The following PRKRIP1 variants were observed in gnomAD, a reference collection of about 807,000 sequenced individuals.
PRKRIP1 encodes the protein PRKR-interacting protein 1.
PRKRIP1 carries 29 observed loss-of-function variants against 29.3 expected under a neutral mutation model. The ratio of observed to expected loss-of-function variants is 0.99; its 90% confidence interval spans 0.74 to 1.35. The LOEUF (loss-of-function observed/expected upper bound fraction) is 1.35, where lower values mean the gene tolerates loss of function less well. Among genes scored for constraint, PRKRIP1 ranks in the 40% most tolerant of loss-of-function variants. The pLI, the probability that PRKRIP1 is intolerant of heterozygous loss-of-function variation, is 0.00. For missense variants in PRKRIP1, 247 were observed against 236.8 expected, an observed-to-expected ratio of 1.04 and a Z score of -0.28; for synonymous variants, 90 against 85.1, an observed-to-expected ratio of 1.06 and a Z score of -0.32.
chr7:102,404,682 C>T lies in PRKRIP1; in HGVS notation c.391C>T (p.Arg131Cys), dbSNP rs782326401. Residue 131 changes from arginine (R) to cysteine (C), a missense_variant and splice_region_variant, in exon 4 of 6, where the codon CGC becomes TGC. Coordinates refer to ENST00000397912, the MANE Select transcript of PRKRIP1 (RefSeq NM_024653.4). ...GCAGACCGCAAAGCGCCGGAAGAAG[C>T]GGTAAGCGGCATGGCCTAACTGTGA... Reference protein sequence around the residue: ...EEQTAKRRKKRQKLKEKKLLA... With the variant: ...EEQTAKRRKKCQKLKEKKLLA... 8.1e-6 allele frequency: 13 copies of T among 1,612,454 alleles called. No homozygotes were observed. Among genetic ancestry groups the T allele is most frequent in the South Asian group, 5.5e-5 (5 of 90,970 alleles).
At chr7:102,423,703 T>TAA (rs879951532) in intron 5 of PRKRIP1, among the ~76,000 whole-genome samples, 1 of 146,088 alleles carries the variant, frequency 6.8e-6, no homozygotes, top group South Asian at 2.2e-4. Context: ...ATTTAAACTT[T>TAA]AAAAAAAAAA....
rs1251963655 is a variant in PRKRIP1, at chr7:102,425,937, GACTGGGTCA to G, written c.*828_*836del. 6.5e-6 allele frequency: 1 copy of G among 153,036 alleles called. No homozygotes were observed. Among genetic ancestry groups the G allele is most frequent in the Non-Finnish European group, 1.5e-5 (1 of 68,206 alleles). 9.5% of individuals were successfully genotyped at this position (153,036 alleles called of 1,614,324 possible). ...AAACAGAACAGGCTGAGAGAGGCGG[GACTGGGTCA>G]AGTGGGTGGAGCTCCTCCTTGCATG... On this transcript the variant is annotated 3_prime_UTR_variant, in exon 6 of 6. Transcript: ENST00000397912.
rs782209495 is a variant in PRKRIP1 at position 102,396,513 on chromosome 7, G to T, written c.102G>T (p.Lys34Asn). 2 of 1,609,640 alleles carry T rather than the reference G, an allele frequency of 1.2e-6. No individual in the cohort carries two copies. The highest frequency in any genetic ancestry group is 1.7e-6 in the Non-Finnish European group (2 of 1,178,804). ...PKNAAEEQKL[K>N]LERLMKNPDK... Reference sequence around the variant, plus strand: ...ATGCGGCGGAGGAGCAGAAGCTCAAGCTGGAGCGGCTCATGAAGAACCCGG... The same window carrying T: ...ATGCGGCGGAGGAGCAGAAGCTCAATCTGGAGCGGCTCATGAAGAACCCGG... Residue 34 changes from lysine (K) to asparagine (N), a missense_variant, in exon 1 of 6, where the codon AAG becomes AAT. Lys to Asn is a moderately conservative substitution (Grantham distance 94, BLOSUM62 0). Coordinates refer to ENST00000397912, the MANE Select transcript of PRKRIP1 (RefSeq NM_024653.4).
Position 102,426,459 on chromosome 7 carries a change from T to C in PRKRIP1, c.*1348T>C, listed in dbSNP as rs1350703947. 1 of 152,636 alleles carries C rather than the reference T, an allele frequency of 6.6e-6. No homozygotes were observed. The highest frequency in any genetic ancestry group is 1.5e-5 in the Non-Finnish European group (1 of 68,050). 9.5% of individuals were successfully genotyped at this position (152,636 alleles called of 1,614,324 possible). A position where few individuals can be genotyped will look rare whatever the true frequency, so the allele number is the denominator to read the frequency against. ...ACGTACTTTGATAGAACTAAGGAAA[T>C]AGTGGTTTTGAGTGAAGGGAAAGGA... On this transcript the variant is annotated 3_prime_UTR_variant, in exon 6 of 6. Transcript: ENST00000397912.
At position 102,406,887 on chromosome 7, in the gene PRKRIP1, C is replaced by T. The variant is rs73402382; in HGVS notation, c.393-547C>T. Among the ~76,000 whole-genome samples, 640 of 148,970 alleles carry T rather than the reference C, an allele frequency of 4.3e-3. 7 individuals are homozygous for T. Among genetic ancestry groups the T allele is most frequent in the African/African-American group, 0.014 (566 of 40,692 alleles). ...GTCATTAGCAAAAAAAAAAAAAAGC[C>T]GATTAAAATGATGTATAACATAATC... On this transcript the variant is annotated intron_variant, in intron 4 of 5. Transcript: ENST00000397912.
intron 3 of PRKRIP1, among the ~76,000 whole-genome samples, chr7:102,400,191 T>C (rs1360753243): frequency 1.3e-5 from 2 of 151,734 alleles, no homozygotes; most frequent in African/African-American, 2.4e-5. Flanking sequence ...GCAACTGTAG[T>C]CCCAGCTACT....
chr7:102,413,015 C>T (rs187070906), intron 5 of PRKRIP1, among the ~76,000 whole-genome samples: 3 of 152,286 alleles, frequency 2.0e-5, no homozygotes, highest in East Asian at 1.9e-4. Flanking sequence ...AAATCCAGGG[C>T]GCCCTTAGGG....
chr7:102,404,778 C>A, intron 4 of PRKRIP1, 95 bp downstream of exon 4: 1 of 855,588 alleles, frequency 1.2e-6, no homozygotes, highest in Non-Finnish European at 1.9e-6. Flanking sequence ...CTCTGCATGA[C>A]CTGTAGGGGT....
chr7:102,400,333 A>G (rs1796032264), intron 3 of PRKRIP1, among the ~76,000 whole-genome samples: 1 of 152,104 alleles, frequency 6.6e-6, no homozygotes, highest in East Asian at 1.9e-4. Context: ...AAAAAATAAC[A>G]CCAAGAAATA....
At chr7:102,396,597 T>A (rs566665496) in intron 1 of PRKRIP1, 60 bp downstream of exon 1, 313 of 1,552,090 alleles carry the variant, frequency 2.0e-4, no homozygotes, top group Non-Finnish European at 2.6e-4. Context: ...TCTGCAGCGC[T>A]TCAGGGTTCC....
At chr7:102,420,348 C>T (rs80192477) in intron 5 of PRKRIP1, among the ~76,000 whole-genome samples, 1,784 of 152,298 alleles carry the variant, frequency 0.012, 45 homozygotes, top group African/African-American at 0.041. Context: ...CCACCAGCAA[C>T]GATAGTTTCT....
chr7:102,403,558 G>A (rs1424920886), intron 3 of PRKRIP1, among the ~76,000 whole-genome samples: 6 of 152,154 alleles, frequency 3.9e-5, no homozygotes, highest in African/African-American at 9.7e-5. Context: ...GTGCAGTGGC[G>A]CAATTTCCGG....
intron 5 of PRKRIP1, among the ~76,000 whole-genome samples, chr7:102,413,068 T>G (rs1796434712): frequency 6.6e-6 from 1 of 152,166 alleles, no homozygotes; most frequent in African/African-American, 2.4e-5. Context: ...TCTCCACAGT[T>G]GCACTACTGA....
chr7:102,400,983 C>A (rs1216651904), intron 3 of PRKRIP1, among the ~76,000 whole-genome samples: 1 of 152,076 alleles, frequency 6.6e-6, no homozygotes, highest in Non-Finnish European at 1.5e-5. Flanking sequence ...AATATGAAAC[C>A]CTATTTAATA....
intron 5 of PRKRIP1, among the ~76,000 whole-genome samples, chr7:102,411,826 G>A (rs977877338): frequency 2.4e-4 from 36 of 148,954 alleles, no homozygotes; most frequent in African/African-American, 8.9e-4. Flanking sequence ...TTGTTTGTTT[G>A]TTTTGTTTTT....
chr7:102,400,696 G>A (rs1239013789), intron 3 of PRKRIP1, among the ~76,000 whole-genome samples: 2 of 152,058 alleles, frequency 1.3e-5, no homozygotes, highest in African/African-American at 4.8e-5. Context: ...AGAGCAGTGG[G>A]GTGATCTTGG....
At chr7:102,415,739 T>C (rs1384685847) in intron 5 of PRKRIP1, among the ~76,000 whole-genome samples, 3 of 152,224 alleles carry the variant, frequency 2.0e-5, no homozygotes, top group African/African-American at 7.2e-5. Flanking sequence ...TTAGGCACCA[T>C]GCGGTGATGG....
At chr7:102,400,403 A>G (rs1796034279) in intron 3 of PRKRIP1, among the ~76,000 whole-genome samples, 1 of 152,220 alleles carries the variant, frequency 6.6e-6, no homozygotes. Flanking sequence ...CTGTACAGCA[A>G]CTGGGATGAA....
intron 2 of PRKRIP1, among the ~76,000 whole-genome samples, chr7:102,398,128 A>G (rs1044876121): frequency 7.9e-5 from 12 of 151,994 alleles, no homozygotes; most frequent in Non-Finnish European, 1.2e-4. Flanking sequence ...GTGTGTTCAC[A>G]TGTTCGTGTT....
Sources: gnomAD v4.1 joint callset for allele counts (sites outside exome capture counted in the v4.1 genomes callset) on GRCh38, gnomAD v4.1.1 for gene constraint, MANE v1.5 for transcripts, NCBI Gene and HGNC (gene_info 2026-07-23, HGNC 2026-07-21) for gene names.